Variants in LAMP2 observed in about 807,000 individuals in gnomAD.
LAMP2 encodes the protein lysosome-associated membrane glycoprotein 2.
A neutral mutation model predicts 25.6 loss-of-function variants in LAMP2; 4 were observed. The ratio of observed to expected loss-of-function variants is 0.16; its 90% confidence interval spans 0.08 to 0.36. LAMP2 has a LOEUF of 0.36. Ranked by LOEUF, LAMP2 falls within the 10% of genes least tolerant of loss-of-function variation. The pLI is 1.00. For synonymous variants in LAMP2, 108 were observed against 112.7 expected (o/e 0.96, Z 0.27); for missense variants, 272 against 301.4 (o/e 0.90, Z 0.72).
chrX:120,460,567 G>C (rs1177975895), intron 1 of LAMP2, among the ~76,000 whole-genome samples: 5 of 112,168 alleles, frequency 4.5e-5, no homozygotes, highest in African/African-American at 1.6e-4. Context: ...TTTTGTGTCT[G>C]CTTTCTTTCC....
At chrX:120,469,325 A>G, upstream of LAMP2, 2 of 515,909 alleles carry the variant, frequency 3.9e-6, no homozygotes, top group Admixed American at 5.9e-5. Flanking sequence ...TGCGAGTCAT[A>G]AGACTAGGGG....
chrX:120,455,212 C>T lies in LAMP2; in HGVS notation c.397+145G>A, dbSNP rs150216823. On this transcript the variant is annotated intron_variant, in intron 3 of 8. Coordinates refer to ENST00000200639, the MANE Select transcript of LAMP2 (RefSeq NM_002294.3). Reference sequence around the variant, plus strand: ...GTTGGATGGTGTCATATGTGCCATGCATGGGGTCAGTGGGAGGGTTATAAA... The same window carrying T: ...GTTGGATGGTGTCATATGTGCCATGTATGGGGTCAGTGGGAGGGTTATAAA... 1.8e-3 allele frequency: 881 copies of T among 501,183 alleles called. 8 individuals carry two copies. The African/African-American group carries it at 0.019, about 11-fold the overall frequency. 41.3% of individuals were successfully genotyped at this position (501,183 alleles called of 1,213,427 possible).
In LAMP2 at chrX:120,431,363, A is replaced by G. The variant is rs727504625; in HGVS notation, c.1193T>C (p.Ile398Thr). 8.3e-7 allele frequency: 1 copy of G among 1,210,559 alleles called. No homozygotes were observed. Among genetic ancestry groups the G allele is most frequent in the Non-Finnish European group, 1.1e-6 (1 of 894,210 alleles). The change falls in exon 9 of 9, where the codon ATT becomes ACT. Residue 398 changes from isoleucine to threonine, a missense_variant. Ile to Thr is a moderately conservative substitution (Grantham distance 89). Coordinates refer to ENST00000200639, the MANE Select transcript of LAMP2 (RefSeq NM_002294.3). ...TCCAGCATGATGGTGCTTGAGACCA[A>G]TAAAATAAGCCAGCAACACTAGAAT... ...VLILVLLAYF[I>T]GLKHHHAGYE...
chrX:120,438,958 A>C, intron 8 of LAMP2: 1 of 1,033,729 alleles, frequency 9.7e-7, no homozygotes, highest in Non-Finnish European at 1.2e-6. Flanking sequence ...AACAGTTTTA[A>C]ATTCCTTGGT....
Position 120,431,999 on chromosome X carries a change from G to C in LAMP2, c.1094-537C>G, listed in dbSNP as rs1007238552. 3.0e-4 allele frequency among the ~76,000 whole-genome samples: 33 copies of C among 111,723 alleles called. No individual in the cohort carries two copies. In the Admixed American group the frequency reaches 3.0e-3, roughly 10 times the overall value. On this transcript the variant is annotated intron_variant, in intron 8 of 8. Coordinates refer to ENST00000200639, the MANE Select transcript of LAMP2 (RefSeq NM_002294.3). ...TGTTTGCCTCAAGATGCTCAGTCTA[G>C]TGTTAGAGTCAGACAAGAAAAATCA...
chrX:120,436,635 T>C (rs2147275872), intron 8 of LAMP2: 1 of 739,866 alleles, frequency 1.4e-6, no homozygotes, highest in Non-Finnish European at 1.6e-6. Flanking sequence ...CATGGACCAG[T>C]TTCTTTATAC....
chrX:120,432,620 C>T (rs936734218), intron 8 of LAMP2, among the ~76,000 whole-genome samples: 3 of 111,041 alleles, frequency 2.7e-5, no homozygotes, highest in Non-Finnish European at 5.7e-5. Flanking sequence ...AGGGGGTGTA[C>T]GAGGAGGAGA....
At chrX:120,452,811 C>T (rs751895479) in intron 3 of LAMP2, among the ~76,000 whole-genome samples, 2 of 106,975 alleles carry the variant, frequency 1.9e-5, no homozygotes, top group South Asian at 4.2e-4. Context: ...GCCTCGGCCA[C>T]CCAAAGTGCT....
At chrX:120,436,170 A>ACACACACTCT (rs1251901451) in intron 8 of LAMP2, among the ~76,000 whole-genome samples, 1,848 of 57,169 alleles carry the variant, frequency 0.032, 64 homozygotes, top group African/African-American at 0.086. Flanking sequence ...ACACACACAC[A>ACACACACTCT]CTCTCTCTCT....
At chrX:120,459,423 G>A (rs1418660953) in intron 1 of LAMP2, among the ~76,000 whole-genome samples, 1 of 112,418 alleles carries the variant, frequency 8.9e-6, no homozygotes, top group Non-Finnish European at 1.9e-5. Context: ...ACTTTGAAAG[G>A]AGGGCTGCAA....
At chrX:120,468,773 G>A (rs1602547295) in intron 1 of LAMP2, among the ~76,000 whole-genome samples, 1 of 110,925 alleles carries the variant, frequency 9.0e-6, no homozygotes, top group South Asian at 3.8e-4. Context: ...AAATCTGCAT[G>A]TACCACCCTC....
chrX:120,428,344 C>T lies in LAMP2; in HGVS notation c.*2979G>A. The stretch of plus-strand genomic sequence containing the variant: ...ATATATTTTGTCTTAAATAAGTGTA[C>T]TCATGCCCAAGTTAGCTAGGAACTC... On this transcript the variant is annotated 3_prime_UTR_variant, in exon 9 of 9. Transcript: ENST00000200639. 3.7e-6 allele frequency: 3 copies of T among 800,016 alleles called. No individual in the cohort carries two copies. The highest frequency in any genetic ancestry group is 4.9e-6 in the Non-Finnish European group (3 of 610,320). 65.9% of individuals were successfully genotyped at this position (800,016 alleles called of 1,213,427 possible).
At chrX:120,442,415 G>A (rs1319758310) in intron 7 of LAMP2, among the ~76,000 whole-genome samples, 184 bp downstream of exon 7, 1 of 110,832 alleles carries the variant, frequency 9.0e-6, no homozygotes, top group African/African-American at 3.3e-5. Context: ...GAAAAAATGG[G>A]ATACAGAAAA....
chrX:120,426,845 A>C lies in LAMP2; in HGVS notation c.*4478T>G, dbSNP rs2058500802. Among the ~76,000 whole-genome samples the C allele has an allele frequency of 8.9e-6, 1 of 112,512 alleles. No individual in the cohort carries two copies. Among genetic ancestry groups the C allele is most frequent in the Non-Finnish European group, 1.9e-5 (1 of 53,258 alleles). ...GAAAACATTCTTTACATACTTAGCA[A>C]ATAGAGGAGAGTGTGAATCTGTATG... is the stretch of plus-strand genomic sequence containing the variant. On this transcript the variant is annotated 3_prime_UTR_variant, in exon 9 of 9. Transcript: ENST00000200639.
Position 120,426,755 on chromosome X carries a change from C to T in LAMP2, c.*4568G>A, listed in dbSNP as rs1288578426. ...ACAAAGCCACTGTTTTTTATGATGACATCATTTTAACCAAATGCTTTTATA... is the reference window on the plus strand; with the variant it reads ...ACAAAGCCACTGTTTTTTATGATGATATCATTTTAACCAAATGCTTTTATA... On this transcript the variant is annotated 3_prime_UTR_variant, in exon 9 of 9. Coordinates refer to ENST00000200639, the MANE Select transcript of LAMP2 (RefSeq NM_002294.3). Among the ~76,000 whole-genome samples the T allele has an allele frequency of 1.8e-5, 2 of 111,813 alleles. No homozygotes were observed. Among genetic ancestry groups the T allele is most frequent in the Non-Finnish European group, 3.8e-5 (2 of 53,121 alleles).
chrX:120,469,003 C>G, intron 1 of LAMP2, 103 bp downstream of exon 1: 8 of 933,345 alleles, frequency 8.6e-6, no homozygotes, highest in Non-Finnish European at 1.1e-5. Flanking sequence ...AGCTGCTGAG[C>G]CTCTCAACCC....
intron 1 of LAMP2, among the ~76,000 whole-genome samples, chrX:120,458,482 A>G (rs748679758): frequency 9.9e-5 from 11 of 111,516 alleles, no homozygotes; most frequent in Non-Finnish European, 1.7e-4. Context: ...TCAAGATAGT[A>G]TACCTGGTGG....
In LAMP2 at chrX:120,443,725, T is replaced by C. The variant is rs1444388863; in HGVS notation, c.865-1063A>G. 5.4e-5 allele frequency among the ~76,000 whole-genome samples: 6 copies of C among 111,810 alleles called. No homozygotes were observed. The Admixed American group carries it at 5.7e-4, about 11-fold the overall frequency. The stretch of plus-strand genomic sequence containing the variant: ...CAGCCATGGACTTTAGATGTTACCT[T>C]GTTGGCAAAAGAGAAACATTGTGAG... On this transcript the variant is annotated intron_variant, in intron 6 of 8. Transcript: ENST00000200639.
At chrX:120,441,581 A>AT (rs1347982626) in intron 8 of LAMP2, 149 bp downstream of exon 8, 1 of 486,581 alleles carries the variant, frequency 2.1e-6, no homozygotes, top group African/African-American at 2.4e-5. Context: ...GTTGAGCAAA[A>AT]TGATGAGCCA....
Sources: allele counts gnomAD v4.1 joint callset (sites outside exome capture counted in the v4.1 genomes callset), GRCh38; gene constraint gnomAD v4.1.1; transcripts MANE v1.5; gene names NCBI Gene and HGNC (gene_info 2026-07-23, HGNC 2026-07-21).